The following XPO6 variants were observed in gnomAD, a reference collection of about 807,000 sequenced individuals.
The protein encoded by XPO6 is exportin 6.
XPO6 carries 3 observed loss-of-function variants against 130.0 expected under a neutral mutation model. The observed-to-expected ratio is 0.02, with a 90% CI of 0.01 to 0.06. The LOEUF (loss-of-function observed/expected upper bound fraction) is 0.06. Among genes scored for constraint, XPO6 ranks in the 10% least tolerant of loss-of-function variants. The pLI is 1.00. For missense variants in XPO6, 970 were observed against 1,393.0 expected (o/e 0.70, Z 4.83); for synonymous variants, 524 against 548.9 (o/e 0.95, Z 0.63).
In XPO6 at chr16:28,101,765, C is replaced by A; in HGVS notation, c.3046-77G>T. On this transcript the variant is annotated intron_variant, in intron 22 of 23. Coordinates refer to ENST00000304658, the MANE Select transcript of XPO6 (RefSeq NM_015171.4). This position sits in a 1 kb window ranked among gnomAD's most constrained non-coding sequence, Gnocchi z 5.4. Reference sequence around the variant, plus strand: ...CGGGTCCCATCCACTTTCTGTCACACTCTCCAGTGAGTAACCTGAGGGTGG... The same window carrying A: ...CGGGTCCCATCCACTTTCTGTCACAATCTCCAGTGAGTAACCTGAGGGTGG... The A allele has an allele frequency of 1.3e-6, 2 of 1,585,448 alleles. No individual in the cohort carries two copies. Among genetic ancestry groups the A allele is most frequent in the Non-Finnish European group, 1.7e-6 (2 of 1,161,068 alleles).
intron 14 of XPO6, among the ~76,000 whole-genome samples, chr16:28,118,754 T>G (rs1055358000): frequency 3.1e-4 from 47 of 152,192 alleles, no homozygotes; most frequent in African/African-American, 1.1e-3. Flanking sequence ...CTGTCAAGTT[T>G]GACCAGGAAG....
intron 4 of XPO6, 99 bp from the exon 5 acceptor site, chr16:28,170,008 T>C (rs1596925125): frequency 2.1e-6 from 3 of 1,459,870 alleles, no homozygotes; most frequent in Middle Eastern, 2.0e-4. Flanking sequence ...GTGTGTTTAA[T>C]CTTACATGAA....
chr16:28,106,283 T>A lies in XPO6; in HGVS notation c.2613-69A>T. 3 of 1,607,854 alleles carry A rather than the reference T, an allele frequency of 1.9e-6. No homozygotes were observed. The South Asian group carries it at 3.3e-5, about 18-fold the overall frequency. ...TGGGGGCCAGCATGAAAACCCATGCTGTGGCAAGTGCAGAACAGGAGCAAA... is the reference window on the plus strand; with the variant it reads ...TGGGGGCCAGCATGAAAACCCATGCAGTGGCAAGTGCAGAACAGGAGCAAA... On this transcript the variant is annotated intron_variant, in intron 19 of 23. Transcript: ENST00000304658. The surrounding 1 kb of genome is among the most constrained non-coding windows in gnomAD (Gnocchi z 4.2).
chr16:28,112,770 A>G (rs2086957990), intron 16 of XPO6, 134 bp downstream of exon 16: 2 of 1,184,582 alleles, frequency 1.7e-6, no homozygotes, highest in African/African-American at 1.6e-5. Context: ...AGTGCCACAC[A>G]ATAAGAAATC....
intron 4 of XPO6, among the ~76,000 whole-genome samples, chr16:28,172,126 A>G (rs2043459020): frequency 6.6e-6 from 1 of 152,216 alleles, no homozygotes; most frequent in Non-Finnish European, 1.5e-5. Context: ...GAAGGGGAGA[A>G]GGTCAGGCAA....
At chr16:28,102,611 G>A (rs763166581) in intron 21 of XPO6, among the ~76,000 whole-genome samples, 1 of 152,048 alleles carries the variant, frequency 6.6e-6, no homozygotes, top group African/African-American at 2.4e-5. Flanking sequence ...GGTGGCGGAC[G>A]CCTGTAATCA....
intron 10 of XPO6, among the ~76,000 whole-genome samples, chr16:28,134,345 G>A (rs2042734694): frequency 6.6e-6 from 1 of 152,216 alleles, no homozygotes; most frequent in Non-Finnish European, 1.5e-5. Context: ...TGGGCTGTCA[G>A]AGATGCAAAT....
chr16:28,151,099 T>C (rs1409550456), intron 8 of XPO6, among the ~76,000 whole-genome samples: 1 of 145,792 alleles, frequency 6.9e-6, no homozygotes, highest in African/African-American at 2.5e-5. Flanking sequence ...AACAAACCCC[T>C]GCTCCAAGTC....
chr16:28,109,301 C>CT (rs77303555), intron 17 of XPO6, among the ~76,000 whole-genome samples: 11,638 of 141,416 alleles, frequency 0.082, 1,103 homozygotes, highest in African/African-American at 0.2. Context: ...TTTTTCTTTT[C>CT]TTTTTTTTTT....
At position 28,175,568 on chromosome 16, in the gene XPO6, G is replaced by A. The variant is rs551516160; in HGVS notation, c.405+330C>T. ...TTGTTGAGTAATCACTGTTTGCACA[G>A]CTATTTCCCCCACTAAACGCCGAAA... On this transcript the variant is annotated intron_variant, in intron 4 of 23. Coordinates refer to ENST00000304658, the MANE Select transcript of XPO6 (RefSeq NM_015171.4). 3.3e-5 allele frequency among the ~76,000 whole-genome samples: 5 copies of A among 152,098 alleles called. No individual in the cohort carries two copies. In the East Asian group the frequency reaches 7.7e-4, roughly 23 times the overall value.
intron 1 of XPO6, among the ~76,000 whole-genome samples, chr16:28,203,737 C>T (rs545729438): frequency 2.0e-5 from 3 of 152,208 alleles, no homozygotes; most frequent in Admixed American, 6.5e-5. Flanking sequence ...CATCTCTTAA[C>T]TCTGGAATCA....
At chr16:28,107,723 A>G (rs1389698998) in intron 17 of XPO6, 46 bp from the exon 18 acceptor site, 2 of 1,604,480 alleles carry the variant, frequency 1.2e-6, no homozygotes, top group East Asian at 2.2e-5. Flanking sequence ...CTGGGGAGAA[A>G]GCATGGTAAG....
Position 28,156,371 on chromosome 16 carries a change from G to T in XPO6, c.800C>A (p.Thr267Asn). 2 of 1,614,082 alleles carry T rather than the reference G, an allele frequency of 1.2e-6. No individual in the cohort carries two copies. Among genetic ancestry groups the T allele is most frequent in the Non-Finnish European group, 1.7e-6 (2 of 1,180,014 alleles). Residue 267 changes from threonine to asparagine, a missense_variant, in exon 7 of 24, where the codon ACC becomes AAC. This residue lies in a region of XPO6 where 936 missense variants were observed against 1,306.8 expected (regional missense o/e 0.72). Coordinates refer to ENST00000304658, the MANE Select transcript of XPO6 (RefSeq NM_015171.4). ...FSWIPLSASI[T>N]PSLLTTIFHF... is the part of the protein sequence containing the mutation. ...GAAGATGGTGGTAAGGAGGGATGGG[G>T]TGATGCTGGCAGACAGAGGAATCCA...
At position 28,156,345 on chromosome 16, in the gene XPO6, G is replaced by A; in HGVS notation, c.826C>T (p.His276Tyr). 1.2e-6 allele frequency: 2 copies of A among 1,614,068 alleles called. No homozygotes were observed. Among genetic ancestry groups the A allele is most frequent in the East Asian group, 2.2e-5 (1 of 44,864 alleles). The change falls in exon 7 of 24, where the codon CAC becomes TAC. Residue 276 changes from histidine to tyrosine, a missense_variant. Around this residue, in one of 4 missense-constraint regions of XPO6, gnomAD observed 936 missense variants for 1,306.8 expected, o/e 0.72. Transcript: ENST00000304658. ...ITPSLLTTIF[H>Y]FARFGCDIRA... is the part of the protein sequence containing the mutation. ...ATGTCACAGCCAAATCGTGCAAAGT[G>A]GAAGATGGTGGTAAGGAGGGATGGG...
chr16:28,106,546 C>A lies in XPO6; in HGVS notation c.2498-49G>T, dbSNP rs770912472. The stretch of plus-strand genomic sequence containing the variant: ...GTCAGAGGCTTGCACACAGTGAGAA[C>A]CAGAACCCTGGGCTTCATCAACCTA... On this transcript the variant is annotated intron_variant, in intron 18 of 23. Transcript: ENST00000304658. This position sits in a 1 kb window ranked among gnomAD's most constrained non-coding sequence, Gnocchi z 4.2. The A allele has an allele frequency of 6.7e-6, 10 of 1,492,482 alleles. No individual in the cohort carries two copies. The highest frequency in any genetic ancestry group is 9.3e-6 in the Non-Finnish European group (10 of 1,072,970). The allele number at this position is 1,492,482 out of a possible 1,614,324, so 92.5% of individuals were successfully genotyped here.
At chr16:28,127,215 G>C (rs1409732110) in intron 12 of XPO6, among the ~76,000 whole-genome samples, 2 of 152,064 alleles carry the variant, frequency 1.3e-5, no homozygotes, top group African/African-American at 4.8e-5. Flanking sequence ...TCGTGTCTCT[G>C]TGCCTCTGCC....
chr16:28,127,941 G>T (rs865784570), intron 12 of XPO6, among the ~76,000 whole-genome samples: 1 of 152,176 alleles, frequency 6.6e-6, no homozygotes, highest in Non-Finnish European at 1.5e-5. Flanking sequence ...GCCCTGAAGA[G>T]GCTGTGGGTG....
At chr16:28,167,475 C>G (rs1356948984) in intron 5 of XPO6, among the ~76,000 whole-genome samples, 1 of 152,232 alleles carries the variant, frequency 6.6e-6, no homozygotes, top group Non-Finnish European at 1.5e-5. Context: ...CTCTCAACCT[C>G]TGACCTGCTC....
chr16:28,141,993 T>C (rs1294955469), intron 9 of XPO6, among the ~76,000 whole-genome samples: 2 of 152,224 alleles, frequency 1.3e-5, no homozygotes, highest in African/African-American at 2.4e-5. Context: ...AATAAATCTA[T>C]GTATATTTGT....
Sources: gnomAD v4.1 joint callset for allele counts (sites outside exome capture counted in the v4.1 genomes callset) on GRCh38, gnomAD v4.1.1 for gene constraint, gnomAD v4.1.1 regional missense constraint, Gnocchi (gnomAD v3.1) non-coding constraint, MANE v1.5 for transcripts, NCBI Gene and HGNC (gene_info 2026-07-23, HGNC 2026-07-21) for gene names.